CDK7: variants seen among roughly 807,000 people sequenced by gnomAD.
CDK7 encodes cyclin-dependent kinase 7.
Under a neutral mutation model 49.1 loss-of-function variants are expected in CDK7, and 25 were observed. That is an observed-to-expected ratio of 0.51 (90% CI 0.37 to 0.71). The LOEUF (loss-of-function observed/expected upper bound fraction) is 0.71. CDK7 is among the 30% of genes least tolerant of loss of function. The pLI is 0.00. For missense variants in CDK7, 316 were observed against 411.7 expected, an observed-to-expected ratio of 0.77 and a Z score of 2.01; for synonymous variants, 107 against 140.0, an observed-to-expected ratio of 0.76 and a Z score of 1.67.
In CDK7 at chr5:69,273,000, T is replaced by C. The variant is rs200314764; in HGVS notation, c.823T>C (p.Leu275=). The C allele has an allele frequency of 3.0e-5, 47 of 1,584,124 alleles. No individual in the cohort carries two copies. The South Asian group carries it at 5.4e-4, about 18-fold the overall frequency. Residue 275 remains leucine (L), a synonymous_variant, in exon 10 of 12, where the codon TTA becomes CTA. Transcript: ENST00000256443. ...CGACTTACTAGATCTCATACAAGGCTTATTCTTATTTAATCCATGTGCTCG... is the reference window on the plus strand; with the variant it reads ...CGACTTACTAGATCTCATACAAGGCCTATTCTTATTTAATCCATGTGCTCG... The part of the protein sequence containing the change: ...GDDLLDLIQG[L]FLFNPCARIT...
chr5:69,247,101 T>G (rs1749804733), intron 2 of CDK7, among the ~76,000 whole-genome samples: 1 of 152,194 alleles, frequency 6.6e-6, no homozygotes, highest in Non-Finnish European at 1.5e-5. Context: ...TCTATAAATA[T>G]CTATTAGGTC....
intron 8 of CDK7, among the ~76,000 whole-genome samples, chr5:69,265,009 A>G (rs1339725430): frequency 1.3e-5 from 2 of 151,982 alleles, no homozygotes; most frequent in Admixed American, 6.6e-5. Context: ...CACGCCTGCA[A>G]TCCCAGCACT....
At position 69,238,601 on chromosome 5, in the gene CDK7, T is replaced by C. The variant is rs190159185; in HGVS notation, c.126+3148T>C. Among the ~76,000 whole-genome samples, 491 of 151,940 alleles carry C rather than the reference T, an allele frequency of 3.2e-3. 4 individuals are homozygous for C. Among genetic ancestry groups the C allele is most frequent in the Non-Finnish European group, 3.9e-3 (264 of 67,982 alleles). ...TGTACTCAGCCAGTATTGCATACTTTAAGCTATATATGTATATTTGGCATA... is the reference window on the plus strand; with the variant it reads ...TGTACTCAGCCAGTATTGCATACTTCAAGCTATATATGTATATTTGGCATA... On this transcript the variant is annotated intron_variant, in intron 2 of 11. Transcript: ENST00000256443.
chr5:69,244,968 T>C (rs1208181356), intron 2 of CDK7, among the ~76,000 whole-genome samples: 1 of 152,246 alleles, frequency 6.6e-6, no homozygotes, highest in East Asian at 1.9e-4. Context: ...CATTTGTTGA[T>C]ATTACATATC....
chr5:69,270,786 T>C (rs1037429428), intron 9 of CDK7, among the ~76,000 whole-genome samples: 1 of 152,220 alleles, frequency 6.6e-6, no homozygotes, highest in Non-Finnish European at 1.5e-5. Context: ...ATTCAGGTCA[T>C]TGCATGTTAA....
intron 2 of CDK7, among the ~76,000 whole-genome samples, chr5:69,244,051 CTT>C (rs112558768): frequency 0.17 from 25,832 of 151,858 alleles, 3,509 homozygotes; most frequent in African/African-American, 0.37. Flanking sequence ...CCAGACTAGT[CTT>C]GAACTCCTGA....
At chr5:69,247,650 C>T (rs992011941) in intron 2 of CDK7, among the ~76,000 whole-genome samples, 8 of 151,678 alleles carry the variant, frequency 5.3e-5, no homozygotes, top group African/African-American at 1.9e-4. Flanking sequence ...GTGGTCTTTC[C>T]TTCCTTCTGT....
intron 2 of CDK7, among the ~76,000 whole-genome samples, chr5:69,245,532 G>T (rs1172560325): frequency 6.6e-6 from 1 of 151,496 alleles, no homozygotes; most frequent in Non-Finnish European, 1.5e-5. Flanking sequence ...GTAGCGATGG[G>T]GTTTCACTAT....
At chr5:69,249,716 C>T (rs1750014588) in intron 2 of CDK7, among the ~76,000 whole-genome samples, 1 of 152,130 alleles carries the variant, frequency 6.6e-6, no homozygotes, top group South Asian at 2.1e-4. Context: ...CATGGTGGTT[C>T]ATGCCTGTAA....
intron 3 of CDK7, 152 bp from the exon 4 acceptor site, chr5:69,254,450 A>T (rs1304214287): frequency 4.5e-6 from 2 of 449,000 alleles, no homozygotes; most frequent in African/African-American, 4.0e-5. Flanking sequence ...TGAACCCGGG[A>T]AGCAGAGGTT....
chr5:69,274,678 C>T (rs770211860), intron 10 of CDK7, among the ~76,000 whole-genome samples: 2 of 151,278 alleles, frequency 1.3e-5, no homozygotes, highest in African/African-American at 2.4e-5. Context: ...TGCAGTGGCA[C>T]GATCTTGACT....
chr5:69,252,759 T>C (rs971491495), intron 3 of CDK7, among the ~76,000 whole-genome samples: 1 of 152,120 alleles, frequency 6.6e-6, no homozygotes, highest in African/African-American at 2.4e-5. Flanking sequence ...TCCTCCCACC[T>C]CGGCCTCCCA....
intron 8 of CDK7, among the ~76,000 whole-genome samples, chr5:69,267,303 T>TG (rs1297811052): frequency 5.8e-5 from 7 of 120,894 alleles, no homozygotes; most frequent in Admixed American, 4.7e-4. Context: ...TTTTTTTTTT[T>TG]TTTTTTTTTT....
intron 9 of CDK7, among the ~76,000 whole-genome samples, chr5:69,271,384 C>T (rs970727283): frequency 2.0e-5 from 3 of 152,082 alleles, no homozygotes; most frequent in Non-Finnish European, 2.9e-5. Flanking sequence ...TGTTTTCCCT[C>T]GTGCTGCCTT....
chr5:69,260,394 T>C (rs1275637456), intron 7 of CDK7, among the ~76,000 whole-genome samples: 34 of 152,112 alleles, frequency 2.2e-4, no homozygotes, highest in Non-Finnish European at 1.5e-4. Context: ...GTCATTTTTA[T>C]GTTAGGTATA....
At chr5:69,254,803 A>C in intron 4 of CDK7, 134 bp downstream of exon 4, 1 of 597,584 alleles carries the variant, frequency 1.7e-6, no homozygotes, top group Non-Finnish European at 3.1e-6. Context: ...TACATTTTCT[A>C]TCCCAGTTGT....
chr5:69,249,283 G>A (rs1320903808), intron 2 of CDK7, among the ~76,000 whole-genome samples: 2 of 152,158 alleles, frequency 1.3e-5, no homozygotes, highest in Non-Finnish European at 2.9e-5. Flanking sequence ...GCTCATGCCT[G>A]TAATCCCAGC....
At position 69,258,057 on chromosome 5, in the gene CDK7, T is replaced by C. The variant is rs768213276; in HGVS notation, c.312T>C (p.Asp104=). ...TTGCTTTACAGGTTATAATAAAGGATAATAGTCTTGTGCTGACACCATCAC... is the reference window on the plus strand; with the variant it reads ...TTGCTTTACAGGTTATAATAAAGGACAATAGTCTTGTGCTGACACCATCAC... ...METDLEVIIK[D]NSLVLTPSHI... The change falls in exon 6 of 12, where the codon GAT becomes GAC. Residue 104 remains aspartate (D), a synonymous_variant. Transcript: ENST00000256443. 1.9e-6 allele frequency: 3 copies of C among 1,558,430 alleles called. No homozygotes were observed. Among genetic ancestry groups the C allele is most frequent in the Non-Finnish European group, 2.6e-6 (3 of 1,135,812 alleles).
At chr5:69,267,938 A>G (rs1561372273) in intron 8 of CDK7, among the ~76,000 whole-genome samples, 1 of 152,104 alleles carries the variant, frequency 6.6e-6, no homozygotes, top group East Asian at 1.9e-4. Flanking sequence ...AATAGTTGTA[A>G]TATTATTTAA....
Sources: gnomAD v4.1 joint callset for allele counts (sites outside exome capture counted in the v4.1 genomes callset) on GRCh38, gnomAD v4.1.1 for gene constraint, MANE v1.5 for transcripts, NCBI Gene and HGNC (gene_info 2026-07-23, HGNC 2026-07-21) for gene names.